The following IL1RAPL2 variants were observed in gnomAD, a reference collection of about 807,000 sequenced individuals.
The protein encoded by IL1RAPL2 is X-linked interleukin-1 receptor accessory protein-like 2.
A neutral mutation model predicts 44.1 loss-of-function variants in IL1RAPL2; 3 were observed. That is an observed-to-expected ratio of 0.07 (90% CI 0.03 to 0.18). The LOEUF (loss-of-function observed/expected upper bound fraction) is 0.18. IL1RAPL2 is among the 10% of genes least tolerant of loss of function. The pLI is 1.00. For synonymous variants in IL1RAPL2, 181 were observed against 178.8 expected (o/e 1.01, Z -0.10); for missense variants, 391 against 496.4 (o/e 0.79, Z 2.02).
chrX:104,900,488 A>G (rs960120152), intron 2 of IL1RAPL2, among the ~76,000 whole-genome samples: 1 of 111,228 alleles, frequency 9.0e-6, no homozygotes, highest in Admixed American at 9.6e-5. Context: ...ACAATGCTAC[A>G]TTAAAAACCA....
At chrX:104,781,118 C>CT (rs201220972) in intron 2 of IL1RAPL2, among the ~76,000 whole-genome samples, 1,331 of 108,897 alleles carry the variant, frequency 0.012, 10 homozygotes, top group Middle Eastern at 0.056. Flanking sequence ...CTTTAATTGA[C>CT]TTTTTTCATT....
chrX:104,663,834 A>G (rs1290532463), intron 2 of IL1RAPL2, among the ~76,000 whole-genome samples: 1 of 106,903 alleles, frequency 9.4e-6, no homozygotes, highest in Non-Finnish European at 1.9e-5. Flanking sequence ...GCTGAGTGAA[A>G]CACAGTTATT....
chrX:105,497,376 G>A (rs1858140042), intron 6 of IL1RAPL2, among the ~76,000 whole-genome samples: 1 of 110,971 alleles, frequency 9.0e-6, no homozygotes, highest in African/African-American at 3.3e-5. Flanking sequence ...AATGAGTAAG[G>A]ATATTGAATC....
intron 6 of IL1RAPL2, among the ~76,000 whole-genome samples, chrX:105,558,563 T>C (rs751792219): frequency 2.9e-4 from 33 of 112,000 alleles, no homozygotes; most frequent in Middle Eastern, 9.3e-3. Context: ...CTATTCTGAA[T>C]TCTGTGACCA....
chrX:105,305,349 T>C (rs1314979658), intron 5 of IL1RAPL2, among the ~76,000 whole-genome samples: 4 of 111,119 alleles, frequency 3.6e-5, no homozygotes, highest in African/African-American at 1.3e-4. Context: ...TTCACACACA[T>C]ACACACACAC....
chrX:105,385,193 A>G (rs181675559), intron 5 of IL1RAPL2, among the ~76,000 whole-genome samples: 1 of 111,546 alleles, frequency 9.0e-6, no homozygotes, highest in Non-Finnish European at 1.9e-5. Flanking sequence ...CAAATCTTAA[A>G]GGGAAGGCAC....
intron 4 of IL1RAPL2, among the ~76,000 whole-genome samples, chrX:105,254,211 T>A (rs1314500329): frequency 8.9e-6 from 1 of 111,892 alleles, no homozygotes; most frequent in East Asian, 2.8e-4. Context: ...CTCACCAGCA[T>A]CTGTTATTTT....
chrX:105,133,046 C>T (rs1042019205), intron 2 of IL1RAPL2, among the ~76,000 whole-genome samples: 10 of 111,944 alleles, frequency 8.9e-5, no homozygotes, highest in Non-Finnish European at 1.3e-4. Context: ...AGTTGAGATT[C>T]GGAATCACCA....
intron 2 of IL1RAPL2, among the ~76,000 whole-genome samples, chrX:104,853,886 G>A (rs1233237562): frequency 2.6e-5 from 2 of 77,670 alleles, no homozygotes; most frequent in Non-Finnish European, 4.6e-5. Context: ...CTGGGCGACA[G>A]AGCGAGACTC....
At chrX:105,301,083 C>T (rs1305791669) in intron 5 of IL1RAPL2, among the ~76,000 whole-genome samples, 1 of 111,319 alleles carries the variant, frequency 9.0e-6, no homozygotes, top group Non-Finnish European at 1.9e-5. Flanking sequence ...AAAAGGTGTA[C>T]TGTAGTTTCT....
At chrX:105,369,619 T>C (rs1041457015) in intron 5 of IL1RAPL2, among the ~76,000 whole-genome samples, 2 of 111,630 alleles carry the variant, frequency 1.8e-5, no homozygotes, top group African/African-American at 6.5e-5. Flanking sequence ...ACTGCTCATT[T>C]TGAACCTGGG....
intron 2 of IL1RAPL2, among the ~76,000 whole-genome samples, chrX:104,948,016 A>T (rs1394920803): frequency 2.7e-5 from 3 of 110,960 alleles, no homozygotes; most frequent in Non-Finnish European, 5.7e-5. Context: ...GCAGTATGGC[A>T]ATTTTCACAA....
intron 1 of IL1RAPL2, among the ~76,000 whole-genome samples, chrX:104,610,102 C>CT (rs929155830): frequency 3.6e-5 from 4 of 109,933 alleles, no homozygotes; most frequent in African/African-American, 6.6e-5. Context: ...TTTCTTTTTT[C>CT]TTTTTTTTAG....
intron 1 of IL1RAPL2, among the ~76,000 whole-genome samples, chrX:104,635,834 C>T (rs1379722363): frequency 8.9e-6 from 1 of 112,082 alleles, no homozygotes; most frequent in Non-Finnish European, 1.9e-5. Context: ...AAGCCTTCTT[C>T]TCTCAACTCG....
At chrX:104,949,358 T>A (rs1285466820) in intron 2 of IL1RAPL2, among the ~76,000 whole-genome samples, 5 of 111,366 alleles carry the variant, frequency 4.5e-5, no homozygotes, top group African/African-American at 1.6e-4. Flanking sequence ...GTTGATCCTT[T>A]CAAAAAACCA....
chrX:105,259,739 G>A (rs1230958519), intron 4 of IL1RAPL2, among the ~76,000 whole-genome samples: 1 of 111,302 alleles, frequency 9.0e-6, no homozygotes, highest in Non-Finnish European at 1.9e-5. Context: ...GTAGTCTGAG[G>A]GTAGCAAGGG....
At chrX:105,539,609 T>A (rs2036704780) in intron 6 of IL1RAPL2, among the ~76,000 whole-genome samples, 1 of 111,448 alleles carries the variant, frequency 9.0e-6, no homozygotes, top group Non-Finnish European at 1.9e-5. Context: ...TGGACATAGG[T>A]CCTGGCAAAG....
chrX:104,697,176 T>C (rs1258415310), intron 2 of IL1RAPL2, among the ~76,000 whole-genome samples: 3 of 112,549 alleles, frequency 2.7e-5, no homozygotes, highest in Admixed American at 9.4e-5. Flanking sequence ...TAAAAACATA[T>C]ACAATATAAG....
chrX:104,912,167 G>C (rs1210369684), intron 2 of IL1RAPL2, among the ~76,000 whole-genome samples: 2 of 104,591 alleles, frequency 1.9e-5, no homozygotes, highest in Admixed American at 2.1e-4. Flanking sequence ...CCTTTGTTTT[G>C]TTTTGTTTTG....
Sources: allele counts gnomAD v4.1 joint callset (sites outside exome capture counted in the v4.1 genomes callset), GRCh38; gene constraint gnomAD v4.1.1; transcripts MANE v1.5; gene names NCBI Gene and HGNC (gene_info 2026-07-23, HGNC 2026-07-21).